L3HYPDH: variants seen among roughly 807,000 people sequenced by gnomAD.
L3HYPDH encodes trans-L-3-hydroxyproline dehydratase.
In L3HYPDH, 32 loss-of-function variants were observed where a neutral mutation model predicts 26.5. That is an observed-to-expected ratio of 1.21 (90% CI 0.91 to 1.62). L3HYPDH has a LOEUF of 1.62. Among genes scored for constraint, L3HYPDH ranks in the 40% most tolerant of loss-of-function variants. The probability of loss-of-function intolerance (pLI) is 0.00; values close to 1 mark genes in which losing one functional copy is unlikely to be tolerated. For synonymous variants in L3HYPDH, 215 were observed against 196.6 expected (o/e 1.09, Z -0.78); for missense variants, 554 against 476.4 (o/e 1.16, Z -1.52).
chr14:59,477,303 T>C lies in L3HYPDH; in HGVS notation c.679-1089A>G, dbSNP rs143161860. Among the ~76,000 whole-genome samples the C allele has an allele frequency of 9.9e-4, 150 of 152,260 alleles. 1 individual carries two copies. Among genetic ancestry groups the C allele is most frequent in the Non-Finnish European group, 1.6e-3 (108 of 68,010 alleles). On this transcript the variant is annotated intron_variant, in intron 2 of 4. Transcript: ENST00000247194. ...TTGTGGTAAATGTTTGTTAAAAGAG[T>C]GAATGAATTAAGATGAATTTATATT...
Position 59,484,039 on chromosome 14 carries a change from A to G in L3HYPDH, c.278T>C (p.Leu93Pro), listed in dbSNP as rs761319176. Residue 93 changes from leucine to proline, a missense_variant, in exon 1 of 5, where the codon CTG (leucine) becomes CCG (proline). Transcript: ENST00000247194. ...SELPDAHLGV[L>P]FLHNEGYSSM... Reference sequence around the variant, plus strand: ...GCTGTAGCCCTCGTTGTGCAGGAACAGGACGCCCAGATGCGCGTCCGGCAG... The same window carrying G: ...GCTGTAGCCCTCGTTGTGCAGGAACGGGACGCCCAGATGCGCGTCCGGCAG... The G allele has an allele frequency of 5.6e-6, 9 of 1,606,016 alleles. No individual in the cohort carries two copies. The African/African-American group carries it at 6.7e-5, about 12-fold the overall frequency.
In L3HYPDH at chr14:59,483,825, G is replaced by A; in HGVS notation, c.492C>T (p.Ala164=). The A allele has an allele frequency of 1.3e-6, 2 of 1,592,490 alleles. No homozygotes were observed. Among genetic ancestry groups the A allele is most frequent in the Non-Finnish European group, 8.5e-7 (1 of 1,176,720 alleles). Residue 164 remains alanine, a synonymous_variant, in exon 1 of 5, where the codon GCC becomes GCT. Coordinates refer to ENST00000247194, the MANE Select transcript of L3HYPDH (RefSeq NM_144581.2). ...GCCCATTACCTGTGGCCAGCACGAA[G>A]GCCGGGACGCTGTGGAAGCGCACCG... ...HGPVRFHSVP[A]FVLATDLMVD...
At chr14:59,502,762 T>TGTTTTGTTTG in the L3HYPDH span, among the ~76,000 whole-genome samples, 2 of 133,616 alleles carry the variant, frequency 1.5e-5, no homozygotes, top group African/African-American at 5.7e-5. Context: ...TTTTTTTTTT[T>TGTTTTGTTTG]TTTTTTTTTT....
chr14:59,481,796 T>C (rs1162939966), intron 1 of L3HYPDH, among the ~76,000 whole-genome samples: 1 of 152,236 alleles, frequency 6.6e-6, no homozygotes, highest in Non-Finnish European at 1.5e-5. Flanking sequence ...GGAAGCAATA[T>C]GATAGGCCAG....
the L3HYPDH span, among the ~76,000 whole-genome samples, chr14:59,497,349 C>A: frequency 6.6e-6 from 1 of 152,106 alleles, no homozygotes; most frequent in African/African-American, 2.4e-5. Context: ...ATGTAGGCAG[C>A]ATGGATTGAA....
chr14:59,484,975 C>T, upstream of L3HYPDH: 1 of 1,562,000 alleles, frequency 6.4e-7, no homozygotes, highest in Non-Finnish European at 8.6e-7. Flanking sequence ...TCTACTGCTT[C>T]AACCTCAAAC....
At chr14:59,500,496 C>T in the L3HYPDH span, among the ~76,000 whole-genome samples, 1 of 152,076 alleles carries the variant, frequency 6.6e-6, no homozygotes, top group East Asian at 1.9e-4. Flanking sequence ...TATTACTGTA[C>T]TGTATTTAAA....
At chr14:59,470,311 C>T (rs1261608022), downstream of L3HYPDH, among the ~76,000 whole-genome samples, 1 of 152,212 alleles carries the variant, frequency 6.6e-6, no homozygotes, top group Non-Finnish European at 1.5e-5. Context: ...ATGCCCCACC[C>T]CGTGTCTGAT....
chr14:59,467,708 C>G (rs76757558), downstream of L3HYPDH, among the ~76,000 whole-genome samples: 791 of 152,316 alleles, frequency 5.2e-3, 8 homozygotes, highest in African/African-American at 0.018. Flanking sequence ...GCATCTCTCT[C>G]CTTGATGTGC....
chr14:59,468,336 C>T (rs542688360), downstream of L3HYPDH, among the ~76,000 whole-genome samples: 5 of 152,318 alleles, frequency 3.3e-5, no homozygotes, highest in African/African-American at 7.2e-5. Context: ...TAGTCTCATT[C>T]GGTACCACTT....
chr14:59,484,606 C>G (rs1404264725), upstream of L3HYPDH: 1 of 1,579,228 alleles, frequency 6.3e-7, no homozygotes, highest in East Asian at 2.3e-5. Flanking sequence ...GAGTGGTCGC[C>G]AAGATCCCGG....
intron 1 of L3HYPDH, 135 bp from the exon 2 acceptor site, chr14:59,479,486 A>G (rs1260674551): frequency 2.3e-6 from 2 of 860,686 alleles, no homozygotes; most frequent in African/African-American, 3.5e-5. Flanking sequence ...TGAAGTAAAA[A>G]TCCGTTTTTT....
upstream of L3HYPDH, chr14:59,487,894 T>A (rs941933652): frequency 2.9e-6 from 4 of 1,385,992 alleles, no homozygotes; most frequent in South Asian, 1.2e-5. Flanking sequence ...TCAGAAGACC[T>A]TATTAAGTAA....
At chr14:59,484,660 C>T, upstream of L3HYPDH, 3 of 1,538,934 alleles carry the variant, frequency 1.9e-6, no homozygotes, top group Non-Finnish European at 2.6e-6. Flanking sequence ...CACGGCTGGC[C>T]TCGGGCTCGG....
At chr14:59,470,956 G>GGC (rs1889294528), downstream of L3HYPDH, among the ~76,000 whole-genome samples, 2 of 9,760 alleles carry the variant, frequency 2.0e-4, no homozygotes, top group African/African-American at 5.0e-4. Context: ...GGCTGGGGGC[G>GGC]GGGGGGGGGG....
intron 4 of L3HYPDH, chr14:59,474,626 T>C: frequency 1.6e-6 from 1 of 617,002 alleles, no homozygotes; most frequent in Non-Finnish European, 2.9e-6. Flanking sequence ...CTTCATGACC[T>C]GGATCTGCTA....
chr14:59,487,747 A>T, upstream of L3HYPDH: 1 of 1,613,262 alleles, frequency 6.2e-7, no homozygotes, highest in Non-Finnish European at 8.5e-7. Context: ...GAACTTTATG[A>T]TTGGCTCTAT....
At chr14:59,465,529 G>A (rs1889139055) in intron 1 of L3HYPDH, among the ~76,000 whole-genome samples, 1 of 152,258 alleles carries the variant, frequency 6.6e-6, no homozygotes, top group African/African-American at 2.4e-5. Flanking sequence ...GAGAGTGCCA[G>A]GTCGACCTCC....
chr14:59,484,144 A>G lies in L3HYPDH; in HGVS notation c.173T>C (p.Leu58Pro). 1 of 1,601,786 alleles carries G rather than the reference A, an allele frequency of 6.2e-7. No homozygotes were observed. Among genetic ancestry groups the G allele is most frequent in the Non-Finnish European group, 8.5e-7 (1 of 1,179,248 alleles). ...LAKRRYMRQH[L>P]DHVRRRLMFE... ...CATGAGCCGTCGCCGCACGTGGTCA[A>G]GGTGCTGGCGCATGTAGCGCCGCTT... is the stretch of plus-strand genomic sequence containing the variant. The change falls in exon 1 of 5, where the codon CTT (leucine) becomes CCT (proline). Residue 58 changes from leucine to proline, a missense_variant. Transcript: ENST00000247194.
Sources: allele counts gnomAD v4.1 joint callset (sites outside exome capture counted in the v4.1 genomes callset), GRCh38; gene constraint gnomAD v4.1.1; transcripts MANE v1.5; gene names NCBI Gene and HGNC (gene_info 2026-07-23, HGNC 2026-07-21).